EMSY: variants seen among roughly 807,000 people sequenced by gnomAD.
EMSY encodes the protein EMSY transcriptional repressor, BRCA2 interacting, also known as BRCA2-interacting transcriptional repressor EMSY.
A neutral mutation model predicts 134.6 loss-of-function variants in EMSY; 26 were observed. The ratio of observed to expected loss-of-function variants is 0.19; its 90% CI spans 0.14 to 0.27. The LOEUF is 0.27. EMSY is among the 10% of genes least tolerant of loss of function. EMSY has a pLI of 1.00. For missense variants in EMSY, 1,305 were observed against 1,611.4 expected (o/e 0.81, Z 3.26); for synonymous variants, 579 against 577.8 (o/e 1.00, Z -0.03).
intron 9 of EMSY, among the ~76,000 whole-genome samples, chr11:76,499,116 C>T (rs1286560179): frequency 1.3e-5 from 2 of 151,894 alleles, no homozygotes; most frequent in Non-Finnish European, 2.9e-5. Flanking sequence ...TGCACACTAC[C>T]ACGCCCAGGT....
exon 21 of EMSY, chr11:76,551,168 T>C (rs890050808): frequency 6.5e-6 from 1 of 152,712 alleles, no homozygotes; most frequent in African/African-American, 2.4e-5. Context: ...TTTTTAAGCC[T>C]TCTATCTTTT....
chr11:76,506,494 A>G (rs1039256439), intron 9 of EMSY, among the ~76,000 whole-genome samples: 1 of 152,214 alleles, frequency 6.6e-6, no homozygotes, highest in African/African-American at 2.4e-5. Context: ...ACAGAATACC[A>G]ATTATCCTGA....
chr11:76,490,607 C>G (rs1949379479), intron 8 of EMSY, among the ~76,000 whole-genome samples: 1 of 152,150 alleles, frequency 6.6e-6, no homozygotes, highest in African/African-American at 2.4e-5. Flanking sequence ...TTGTCATACA[C>G]TTTAATTCTA....
chr11:76,472,790 C>A (rs765439410), exon 8 of EMSY: 3 of 1,614,088 alleles, frequency 1.9e-6, no homozygotes, highest in African/African-American at 2.7e-5. Flanking sequence ...GTTGCAGTAA[C>A]AGCTGTGGTG....
chr11:76,542,137 G>A (rs1335912014), intron 17 of EMSY, 79 bp from the exon 19 acceptor site: 1 of 1,543,610 alleles, frequency 6.5e-7, no homozygotes, highest in Non-Finnish European at 8.9e-7. Context: ...CAAGCTCACA[G>A]ACATTTGTTT....
chr11:76,454,158 A>T (rs931609817), intron 4 of EMSY, among the ~76,000 whole-genome samples: 1 of 152,186 alleles, frequency 6.6e-6, no homozygotes, highest in Non-Finnish European at 1.5e-5. Context: ...ATGTTAAATA[A>T]AACTAAAGGG....
intron 19 of EMSY, among the ~76,000 whole-genome samples, chr11:76,545,301 A>G (rs770249647): frequency 6.6e-6 from 1 of 152,142 alleles, no homozygotes; most frequent in Non-Finnish European, 1.5e-5. Context: ...CAGAGGAATT[A>G]TTGGTGGATA....
chr11:76,518,545 G>A (rs1308983352), intron 11 of EMSY, among the ~76,000 whole-genome samples: 1 of 151,738 alleles, frequency 6.6e-6, no homozygotes, highest in African/African-American at 2.4e-5. Context: ...CTCATTGTGG[G>A]AGAATTTGGA....
At chr11:76,479,758 G>A (rs1007649536) in intron 8 of EMSY, among the ~76,000 whole-genome samples, 24 of 152,182 alleles carry the variant, frequency 1.6e-4, no homozygotes, top group Admixed American at 1.6e-3. Flanking sequence ...AAAAGGATAA[G>A]CTATTGAAAT....
intron 8 of EMSY, among the ~76,000 whole-genome samples, chr11:76,479,481 G>T (rs1948888064): frequency 1.3e-5 from 2 of 152,200 alleles, no homozygotes; most frequent in Admixed American, 6.5e-5. Context: ...TCCCCGCAAT[G>T]CCCCACATGG....
intron 8 of EMSY, among the ~76,000 whole-genome samples, chr11:76,487,683 A>G (rs999329435): frequency 1.3e-5 from 2 of 152,372 alleles, no homozygotes; most frequent in South Asian, 2.1e-4. Flanking sequence ...ACTTTGCACA[A>G]AATTATTTAA....
At chr11:76,476,961 T>G (rs1207399198) in intron 8 of EMSY, among the ~76,000 whole-genome samples, 1 of 152,138 alleles carries the variant, frequency 6.6e-6, no homozygotes, top group East Asian at 1.9e-4. Context: ...CAATTCCAAT[T>G]TATAATTATG....
chr11:76,534,189 G>A (rs1162335166), intron 14 of EMSY, among the ~76,000 whole-genome samples: 1 of 152,094 alleles, frequency 6.6e-6, no homozygotes, highest in East Asian at 1.9e-4. Context: ...GATATTCAGT[G>A]TGTCTTGTAG....
chr11:76,453,431 T>G (rs1217638661), intron 4 of EMSY, 43 bp downstream of exon 4: 9 of 1,555,558 alleles, frequency 5.8e-6, no homozygotes, highest in Non-Finnish European at 7.9e-6. Context: ...TATGACATAG[T>G]ATAACACAGT....
intron 16 of EMSY, among the ~76,000 whole-genome samples, chr11:76,538,475 T>G (rs1351421351): frequency 2.0e-5 from 3 of 151,936 alleles, no homozygotes; most frequent in African/African-American, 7.2e-5. Flanking sequence ...TGCCCGGGCT[T>G]GTCTTGAATT....
intron 8 of EMSY, among the ~76,000 whole-genome samples, chr11:76,483,086 G>A (rs1049717395): frequency 1.3e-5 from 2 of 152,192 alleles, no homozygotes; most frequent in African/African-American, 4.8e-5. Flanking sequence ...GAAGAGAGTG[G>A]TGGCCAAAAT....
intron 7 of EMSY, among the ~76,000 whole-genome samples, chr11:76,466,971 A>G (rs1342582729): frequency 6.6e-6 from 1 of 152,210 alleles, no homozygotes; most frequent in Non-Finnish European, 1.5e-5. Context: ...CCTTGCAGGT[A>G]TTTTATGGAG....
intron 8 of EMSY, among the ~76,000 whole-genome samples, chr11:76,476,452 C>G (rs1379423784): frequency 6.6e-6 from 1 of 152,094 alleles, no homozygotes; most frequent in South Asian, 2.1e-4. Context: ...ATTGCTTACC[C>G]TGAGGTACAA....
At chr11:76,489,246 ACTTTT>A (rs1385962346) in intron 8 of EMSY, among the ~76,000 whole-genome samples, 1 of 151,642 alleles carries the variant, frequency 6.6e-6, no homozygotes, top group Admixed American at 6.6e-5. Context: ...AGAATAATTG[ACTTTT>A]CATTTGGTTC....
Sources: allele counts gnomAD v4.1 joint callset (sites outside exome capture counted in the v4.1 genomes callset), GRCh38; gene constraint gnomAD v4.1.1; transcripts MANE v1.5; gene names NCBI Gene and HGNC (gene_info 2026-07-23, HGNC 2026-07-21).